Variants in PROM1 observed in about 807,000 individuals in gnomAD.
PROM1 encodes prominin 1, also known as prominin-1.
In PROM1, 105 loss-of-function variants were observed where a neutral mutation model predicts 116.9. That is an observed-to-expected ratio of 0.90 (90% CI 0.77 to 1.06). The LOEUF is 1.06. PROM1 is among the 50% of genes least tolerant of loss of function. PROM1 has a pLI of 0.00. For missense variants in PROM1, 1,122 were observed against 1,045.2 expected, an observed-to-expected ratio of 1.07 and a Z score of -1.01; for synonymous variants, 393 against 387.0, an observed-to-expected ratio of 1.02 and a Z score of -0.18.
At chr4:15,981,751 G>A (rs1263505142) in intron 23 of PROM1, among the ~76,000 whole-genome samples, 1 of 152,088 alleles carries the variant, frequency 6.6e-6, no homozygotes, top group African/African-American at 2.4e-5. Flanking sequence ...CAATCTTGAA[G>A]GTATATAGAA....
At position 15,999,921 on chromosome 4, in the gene PROM1, C is replaced by T. The variant is rs1482046101; in HGVS notation, c.1578+575G>A. Among the ~76,000 whole-genome samples the T allele has an allele frequency of 2.0e-5, 3 of 152,002 alleles. No homozygotes were observed. The East Asian group carries it at 5.8e-4, about 29-fold the overall frequency. On this transcript the variant is annotated intron_variant, in intron 14 of 27. Transcript: ENST00000447510. ...AAAATTTCCTCATTAATGAAGAAAG[C>T]AAAACTGCCAACTGGTCCCCCGGAG...
intron 26 of PROM1, among the ~76,000 whole-genome samples, chr4:15,977,086 TC>T (rs1716326120): frequency 6.6e-6 from 1 of 152,044 alleles, no homozygotes; most frequent in African/African-American, 2.4e-5. Context: ...CCTTGACTTC[TC>T]CCCCTTTTTT....
intron 8 of PROM1, among the ~76,000 whole-genome samples, 159 bp from the exon 9 acceptor site, chr4:16,018,699 C>T (rs1374263232): frequency 1.3e-5 from 2 of 152,150 alleles, no homozygotes; most frequent in African/African-American, 4.8e-5. Context: ...ACAGGAGCAT[C>T]GCTAGGCTGC....
chr4:15,984,355 T>C lies in PROM1; in HGVS notation c.2281A>G (p.Ile761Val), dbSNP rs752720991. 1.9e-6 allele frequency: 3 copies of C among 1,569,058 alleles called. No homozygotes were observed. The highest frequency in any genetic ancestry group is 2.6e-6 in the Non-Finnish European group (3 of 1,156,518). Residue 761 changes from isoleucine (I) to valine (V), a missense_variant and splice_region_variant, in exon 23 of 28, where the codon ATC becomes GTC. By Grantham distance (29) the Ile-to-Val change is conservative. Transcript: ENST00000447510. ...EHYLQWIEFSISEKVASCKPV... is the reference protein window; with the variant it reads ...EHYLQWIEFSVSEKVASCKPV... The stretch of plus-strand genomic sequence containing the variant: ...TTGCACGATGCCACTTTCTCACTGA[T>C]CTAGGGGGGTGGAAACACAGGGAAA...
chr4:16,059,241 C>T (rs1739731980), intron 2 of PROM1, among the ~76,000 whole-genome samples: 1 of 152,128 alleles, frequency 6.6e-6, no homozygotes, highest in Non-Finnish European at 1.5e-5. Flanking sequence ...GCTATGTGAC[C>T]CTTGGCTAAG....
At chr4:15,997,122 C>T (rs1264783589) in intron 15 of PROM1, among the ~76,000 whole-genome samples, 1 of 151,718 alleles carries the variant, frequency 6.6e-6, no homozygotes, top group Admixed American at 6.6e-5. Context: ...TAAGATCAGA[C>T]ACCTAAGACT....
chr4:16,037,668 G>C (rs141837145), intron 3 of PROM1, among the ~76,000 whole-genome samples: 208 of 152,276 alleles, frequency 1.4e-3, no homozygotes, highest in Middle Eastern at 0.01. Context: ...AACCAGGAAA[G>C]GAAGGAACAA....
chr4:16,005,595 G>T (rs1017109738), intron 13 of PROM1, among the ~76,000 whole-genome samples: 1 of 150,814 alleles, frequency 6.6e-6, no homozygotes, highest in East Asian at 2.0e-4. Context: ...TCAAATTAAT[G>T]TACAGCATCT....
intron 26 of PROM1, among the ~76,000 whole-genome samples, chr4:15,973,561 TTTCTCCACATTG>T (rs1341211524): frequency 6.6e-6 from 1 of 152,204 alleles, no homozygotes; most frequent in African/African-American, 2.4e-5. Context: ...ATGGTGTTTT[TTTCTCCACATTG>T]TTTGCTAACA....
chr4:16,022,987 C>A (rs981867729), intron 8 of PROM1, among the ~76,000 whole-genome samples: 1 of 152,150 alleles, frequency 6.6e-6, no homozygotes, highest in South Asian at 2.1e-4. Context: ...TCTCTTCCAA[C>A]GACTCAACTC....
At position 16,014,032 on chromosome 4, in the gene PROM1, C is replaced by T. The variant is rs1371860225; in HGVS notation, c.1078-694G>A. Among the ~76,000 whole-genome samples, 7 of 152,254 alleles carry T rather than the reference C, an allele frequency of 4.6e-5. No homozygotes were observed. In the East Asian group the frequency reaches 9.6e-4, roughly 21 times the overall value. ...AAAAACAAAAAACAACCGTGCCGAGCGATAGGGCTTTGGGGCTAAACCCCC... is the reference window on the plus strand; with the variant it reads ...AAAAACAAAAAACAACCGTGCCGAGTGATAGGGCTTTGGGGCTAAACCCCC... On this transcript the variant is annotated intron_variant, in intron 10 of 27. Transcript: ENST00000447510.
intron 26 of PROM1, among the ~76,000 whole-genome samples, chr4:15,973,823 T>C (rs555575433): frequency 1.3e-5 from 2 of 152,252 alleles, no homozygotes; most frequent in South Asian, 4.2e-4. Flanking sequence ...CCTGGCTAGC[T>C]GTAGAGACCT....
In PROM1 at chr4:16,016,372, A is replaced by T. The variant is rs894829211; in HGVS notation, c.1003-132T>A. ...CAGGGTACAATCGCAGTTTCTTTTG[A>T]ACAATAGAGTTTTATTTCGGAAAAA... On this transcript the variant is annotated intron_variant, in intron 9 of 27. Transcript: ENST00000447510. 2.6e-5 allele frequency: 19 copies of T among 719,678 alleles called. No homozygotes were observed. The African/African-American group carries it at 3.3e-4, about 13-fold the overall frequency. The allele number at this position is 719,678 out of a possible 1,614,324, so 44.6% of individuals were successfully genotyped here.
Position 16,023,334 on chromosome 4 carries a change from A to G in PROM1, c.776T>C (p.Met259Thr). Residue 259 changes from methionine (M) to threonine (T), a missense_variant, in exon 8 of 28, where the codon ATG becomes ACG. Coordinates refer to ENST00000447510, the MANE Select transcript of PROM1 (RefSeq NM_006017.3). ...IIPVLDEIKS[M>T]ATAIKETKEA... ...TTTTGCCCACTGCTTACCTGTTGCC[A>G]TGGACTTAATCTCATCAAGAACAGG... The G allele has an allele frequency of 6.2e-7, 1 of 1,602,722 alleles. No individual in the cohort carries two copies. Among genetic ancestry groups the G allele is most frequent in the South Asian group, 1.1e-5 (1 of 89,066 alleles).
rs1743828281 is a variant in PROM1 at position 16,075,764 on chromosome 4, T to G, written c.143A>C (p.Lys48Thr). 2.5e-6 allele frequency: 4 copies of G among 1,613,684 alleles called. No homozygotes were observed. The South Asian group carries it at 4.4e-5, about 18-fold the overall frequency. ...ATNYETQDSH[K>T]AGPIGILFEL... ...AAAGAGAATGCCAATGGGTCCAGCT[T>G]TATGGGAGTCTTGGGTCTCATAATT... The change falls in exon 2 of 28, where the codon AAA becomes ACA. Residue 48 changes from lysine (K) to threonine (T), a missense_variant. Coordinates refer to ENST00000447510, the MANE Select transcript of PROM1 (RefSeq NM_006017.3).
chr4:15,970,173 T>TTTTC (rs1560362040), intron 27 of PROM1, among the ~76,000 whole-genome samples: 1 of 150,460 alleles, frequency 6.6e-6, no homozygotes, highest in African/African-American at 2.4e-5. Context: ...CTTTTCTTTT[T>TTTTC]TTTTTTTTTT....
intron 5 of PROM1, among the ~76,000 whole-genome samples, chr4:16,026,292 T>G (rs1190372828): frequency 6.6e-6 from 1 of 152,148 alleles, no homozygotes; most frequent in Non-Finnish European, 1.5e-5. Flanking sequence ...AATTGGCCTG[T>G]TTTTGTGGCA....
At chr4:15,978,631 T>A (rs1266102758) in intron 26 of PROM1, among the ~76,000 whole-genome samples, 4 of 152,184 alleles carry the variant, frequency 2.6e-5, no homozygotes, top group African/African-American at 4.8e-5. Flanking sequence ...CCCTTTTGCA[T>A]CTGAGACATC....
intron 1 of PROM1, among the ~76,000 whole-genome samples, chr4:16,081,925 G>C (rs55726312): frequency 0.047 from 840 of 17,870 alleles, 3 homozygotes; most frequent in Middle Eastern, 0.1. Context: ...AAAAAAACAA[G>C]AATAAACTAA....
Sources: gnomAD v4.1 joint callset for allele counts (sites outside exome capture counted in the v4.1 genomes callset) on GRCh38, gnomAD v4.1.1 for gene constraint, MANE v1.5 for transcripts, NCBI Gene and HGNC (gene_info 2026-07-23, HGNC 2026-07-21) for gene names.